Variants in NELL1 observed in about 807,000 individuals in gnomAD.
The protein encoded by NELL1 is neural EGFL like 1, also known as protein kinase C-binding protein NELL1.
NELL1 carries 76 observed loss-of-function variants against 107.4 expected under a neutral mutation model. The observed-to-expected ratio is 0.71, with a 90% CI of 0.59 to 0.86. The LOEUF (loss-of-function observed/expected upper bound fraction) is 0.86. Among genes scored for constraint, NELL1 ranks in the 40% least tolerant of loss-of-function variants. The probability of loss-of-function intolerance (pLI) is 0.00; values close to 1 mark genes in which losing one functional copy is unlikely to be tolerated. For missense variants in NELL1, 1,024 were observed against 1,005.5 expected (o/e 1.02, Z -0.25); for synonymous variants, 353 against 341.2 (o/e 1.03, Z -0.38).
intron 14 of NELL1, among the ~76,000 whole-genome samples, chr11:21,262,907 C>T (rs1264031302): frequency 6.6e-6 from 1 of 151,788 alleles, no homozygotes; most frequent in East Asian, 1.9e-4. Flanking sequence ...TGATGCTGGA[C>T]TTTCTGATTT....
chr11:20,771,749 T>C (rs925040920), intron 2 of NELL1, among the ~76,000 whole-genome samples: 2 of 152,148 alleles, frequency 1.3e-5, no homozygotes, highest in African/African-American at 4.8e-5. Context: ...GAGTGTGTCT[T>C]TCTGCTTCTG....
chr11:21,321,640 C>G (rs1246503853), intron 14 of NELL1, among the ~76,000 whole-genome samples: 1 of 152,168 alleles, frequency 6.6e-6, no homozygotes, highest in Non-Finnish European at 1.5e-5. Context: ...ATAAATAACT[C>G]TATGAGTATT....
chr11:20,964,394 C>A (rs935442949), intron 12 of NELL1, among the ~76,000 whole-genome samples: 1 of 152,176 alleles, frequency 6.6e-6, no homozygotes, highest in African/African-American at 2.4e-5. Flanking sequence ...TGCCATCTGT[C>A]AGGTGTGGAA....
At chr11:21,567,945 G>GT (rs1382270968) in intron 17 of NELL1, among the ~76,000 whole-genome samples, 1 of 151,736 alleles carries the variant, frequency 6.6e-6, no homozygotes, top group Non-Finnish European at 1.5e-5. Context: ...GCTTAATGAG[G>GT]TTTTAGTCTT....
intron 13 of NELL1, among the ~76,000 whole-genome samples, chr11:21,122,935 G>A (rs953327154): frequency 2.6e-5 from 4 of 152,130 alleles, no homozygotes; most frequent in Admixed American, 1.3e-4. Context: ...ATCCTCAGTG[G>A]AACAGATTCT....
intron 12 of NELL1, among the ~76,000 whole-genome samples, chr11:21,030,822 C>T (rs1046789609): frequency 6.6e-6 from 1 of 151,980 alleles, no homozygotes; most frequent in African/African-American, 2.4e-5. Context: ...GCTATAATTA[C>T]TATTGATATT....
intron 15 of NELL1, among the ~76,000 whole-genome samples, chr11:21,525,109 C>A (rs560479701): frequency 2.0e-5 from 3 of 152,162 alleles, no homozygotes; most frequent in Non-Finnish European, 2.9e-5. Context: ...CAGATGGGTT[C>A]TTTTAGGAAG....
intron 15 of NELL1, among the ~76,000 whole-genome samples, chr11:21,469,106 T>C (rs761915688): frequency 5.9e-5 from 9 of 152,066 alleles, no homozygotes; most frequent in South Asian, 2.1e-4. Flanking sequence ...CTAATAGAGA[T>C]AGGAAGACAG....
chr11:21,272,862 C>A (rs925917173), intron 14 of NELL1, among the ~76,000 whole-genome samples: 1 of 152,182 alleles, frequency 6.6e-6, no homozygotes, highest in African/African-American at 2.4e-5. Flanking sequence ...AGAAGGAAAA[C>A]TAACAAACAG....
chr11:21,189,464 T>C (rs958516552), intron 13 of NELL1, among the ~76,000 whole-genome samples: 1 of 151,828 alleles, frequency 6.6e-6, no homozygotes, highest in Non-Finnish European at 1.5e-5. Context: ...TCTTTCACAA[T>C]GCACTGTACT....
chr11:21,016,914 T>C (rs1048813141), intron 12 of NELL1, among the ~76,000 whole-genome samples: 2 of 152,092 alleles, frequency 1.3e-5, no homozygotes, highest in Admixed American at 1.3e-4. Context: ...AAATCCTGGC[T>C]CCACTTTTTA....
intron 16 of NELL1, among the ~76,000 whole-genome samples, chr11:21,554,995 G>A (rs2133994647): frequency 6.6e-6 from 1 of 151,994 alleles, no homozygotes; most frequent in South Asian, 2.1e-4. Context: ...GAGAAACAAG[G>A]ACCAGACGTG....
intron 2 of NELL1, among the ~76,000 whole-genome samples, chr11:20,713,091 G>C (rs767807576): frequency 6.6e-6 from 1 of 152,200 alleles, no homozygotes; most frequent in Non-Finnish European, 1.5e-5. Flanking sequence ...GGCCTGAGTT[G>C]GTTGGCCTCC....
At chr11:20,799,211 C>A (rs1257658478) in intron 3 of NELL1, among the ~76,000 whole-genome samples, 1 of 152,124 alleles carries the variant, frequency 6.6e-6, no homozygotes, top group Non-Finnish European at 1.5e-5. Flanking sequence ...AGGAGACAGA[C>A]CAAGAGCTAG....
intron 14 of NELL1, chr11:21,284,887 G>A (rs1210466494): frequency 1.1e-5 from 3 of 268,662 alleles, no homozygotes; most frequent in African/African-American, 6.6e-5. Flanking sequence ...GACCTTGGAG[G>A]CCAGGGTACC....
chr11:21,538,867 A>G (rs950789956), intron 16 of NELL1, among the ~76,000 whole-genome samples: 1 of 152,144 alleles, frequency 6.6e-6, no homozygotes, highest in African/African-American at 2.4e-5. Flanking sequence ...TTGCTCCCAC[A>G]AATGAAACTT....
chr11:20,848,745 C>T (rs941770247), intron 4 of NELL1, among the ~76,000 whole-genome samples: 5 of 152,162 alleles, frequency 3.3e-5, no homozygotes, highest in South Asian at 2.1e-4. Context: ...CAGCTTCAGA[C>T]CGCATTTCTC....
At chr11:20,757,788 A>T (rs1462874312) in intron 2 of NELL1, among the ~76,000 whole-genome samples, 1 of 152,156 alleles carries the variant, frequency 6.6e-6, no homozygotes, top group Non-Finnish European at 1.5e-5. Context: ...TTTGAGAGCC[A>T]TGTTCTCCTT....
intron 12 of NELL1, among the ~76,000 whole-genome samples, chr11:21,007,786 C>A (rs759809205): frequency 1.3e-5 from 2 of 151,852 alleles, no homozygotes; most frequent in Non-Finnish European, 2.9e-5. Flanking sequence ...ATTTAGATGC[C>A]CACTTACAAA....
Sources: allele counts gnomAD v4.1 joint callset (sites outside exome capture counted in the v4.1 genomes callset), GRCh38; gene constraint gnomAD v4.1.1; transcripts MANE v1.5; gene names NCBI Gene and HGNC (gene_info 2026-07-23, HGNC 2026-07-21).